Variants in TSC2 observed in about 807,000 individuals in gnomAD.
The protein encoded by TSC2 is TSC complex subunit 2.
Under a neutral mutation model 202.2 loss-of-function variants are expected in TSC2, and 29 were observed. The ratio of observed to expected loss-of-function variants is 0.14; its 90% confidence interval spans 0.11 to 0.20. The LOEUF is 0.20. TSC2 is among the 10% of genes least tolerant of loss of function. TSC2 has a pLI of 1.00. For missense variants in TSC2, 2,429 were observed against 2,420.0 expected (o/e 1.00, Z -0.08); for synonymous variants, 1,349 against 1,044.0 (o/e 1.29, Z -5.63).
Position 2,085,280 on chromosome 16 carries a change from C to T in TSC2, c.4620C>T (p.Tyr1540=), listed in dbSNP as rs45455897. 52 of 1,612,720 alleles carry T rather than the reference C, an allele frequency of 3.2e-5. No homozygotes were observed. Among genetic ancestry groups the T allele is most frequent in the South Asian group, 2.1e-4 (19 of 91,086 alleles). ...AGCTCCTCGACCAGATCCCATCATA[C>T]GACACCCACAAGATCGCCGTCCTGT... ...SVQLLDQIPS[Y]DTHKIAVLYV... The change falls in exon 36 of 42, where the codon TAC becomes TAT. Residue 1540 remains tyrosine, a synonymous_variant. Coordinates refer to ENST00000219476, the MANE Select transcript of TSC2 (RefSeq NM_000548.5).
chr16:2,078,968 G>A (rs201767498), intron 26 of TSC2, 64 bp from the exon 27 acceptor site: 28 of 1,603,854 alleles, frequency 1.7e-5, no homozygotes, highest in Middle Eastern at 3.3e-4. Flanking sequence ...TTTGGCCCTT[G>A]GTGATAGGTG....
chr16:2,084,728 C>T lies in TSC2; in HGVS notation c.4493+13C>T, dbSNP rs757183419. ...GCATCAACCCCAGGTGGGCCTCTTG[C>T]TTCCGGGCGGGGCTCCTGACACCTC... On this transcript the variant is annotated intron_variant, in intron 34 of 41. Transcript: ENST00000219476. The T allele has an allele frequency of 8.1e-6, 13 of 1,598,336 alleles. No individual in the cohort carries two copies. The highest frequency in any genetic ancestry group is 7.7e-5 in the South Asian group (7 of 91,084).
intron 38 of TSC2, 145 bp downstream of exon 38, chr16:2,087,016 C>G (rs2090895853): frequency 7.9e-7 from 1 of 1,264,846 alleles, no homozygotes; most frequent in African/African-American, 1.5e-5. Context: ...TGGGCACGAG[C>G]TTCACCCCGA....
At position 2,077,605 on chromosome 16, in the gene TSC2, A is replaced by G; in HGVS notation, c.2845A>G (p.Ile949Val). ...TCCTTCCTCACCCGATAGTCTGAGG[A>G]TAGCCAGACCCCCCAAACAAGGCTT... ...SLNERPKSLR[I>V]ARPPKQGLNN... Residue 949 changes from isoleucine to valine, a missense_variant, in exon 26 of 42, where the codon ATA (isoleucine) becomes GTA (valine). Transcript: ENST00000219476. The G allele has an allele frequency of 6.2e-7, 1 of 1,613,064 alleles. No individual in the cohort carries two copies. Among genetic ancestry groups the G allele is most frequent in the Non-Finnish European group, 8.5e-7 (1 of 1,179,988 alleles).
At position 2,084,442 on chromosome 16, in the gene TSC2, T is replaced by A. The variant is rs1555514182; in HGVS notation, c.4220T>A (p.Val1407Glu). Reference sequence around the variant, plus strand: ...GGGGACCCTGGGGACAAGGCCGACGTGGGCCGGCTGAGCCCTGAGGTTAAG... The same window carrying A: ...GGGGACCCTGGGGACAAGGCCGACGAGGGCCGGCTGAGCCCTGAGGTTAAG... Reference protein sequence around the residue: ...ILGDPGDKADVGRLSPEVKAR... With the variant: ...ILGDPGDKADEGRLSPEVKAR... The change falls in exon 34 of 42, where the codon GTG becomes GAG. Residue 1407 changes from valine to glutamate, a missense_variant. Coordinates refer to ENST00000219476, the MANE Select transcript of TSC2 (RefSeq NM_000548.5). 1.2e-6 allele frequency: 2 copies of A among 1,609,668 alleles called. No individual in the cohort carries two copies. The highest frequency in any genetic ancestry group is 1.7e-6 in the Non-Finnish European group (2 of 1,178,734).
Position 2,089,316 on chromosome 16 carries a change from T to TA in TSC2, c.*707dup, listed in dbSNP as rs2091334036. On this transcript the variant is annotated 3_prime_UTR_variant, in exon 42 of 42. Transcript: ENST00000219476. ...ACACACAGTGAGACGGTGCAGGGAG[T>TA]ACGGTAGGAACTGGAGAGGTAATAA... 3.7e-6 allele frequency: 1 copy of TA among 271,350 alleles called. No individual in the cohort carries two copies. The highest frequency in any genetic ancestry group is 2.2e-5 in the African/African-American group (1 of 45,390). The allele number at this position is 271,350 out of a possible 1,614,324, so 16.8% of individuals were successfully genotyped here. A position where few individuals can be genotyped will look rare whatever the true frequency, so the allele number is the denominator to read the frequency against.
In TSC2 at chr16:2,077,638, T is replaced by C. The variant is rs1005027685; in HGVS notation, c.2878T>C (p.Ser960Pro). 1 of 1,612,982 alleles carries C rather than the reference T, an allele frequency of 6.2e-7. No individual in the cohort carries two copies. The highest frequency in any genetic ancestry group is 1.1e-5 in the South Asian group (1 of 91,078). Residue 960 changes from serine (S) to proline (P), a missense_variant, in exon 26 of 42, where the codon TCT becomes CCT. Transcript: ENST00000219476. ...ARPPKQGLNN[S>P]PPVKEFKESS... The stretch of plus-strand genomic sequence containing the variant: ...ACCCCCCAAACAAGGCTTGAATAAC[T>C]CTCCACCCGTGAAAGAATTCAAGGA...
intron 36 of TSC2, 80 bp downstream of exon 36, chr16:2,085,402 C>T: frequency 6.9e-7 from 1 of 1,454,608 alleles, no homozygotes; most frequent in Non-Finnish European, 9.6e-7. Context: ...GTCTGGGCCC[C>T]CAACGCCCCA....
intron 24 of TSC2, 59 bp from the exon 25 acceptor site, chr16:2,076,432 G>C: frequency 1.9e-6 from 3 of 1,606,870 alleles, no homozygotes; most frequent in Non-Finnish European, 2.6e-6. Context: ...GGCAGGCCTG[G>C]TGAGGGCCTC....
chr16:2,070,408 T>C, intron 16 of TSC2, 48 bp from the exon 17 acceptor site: 1 of 1,613,084 alleles, frequency 6.2e-7, no homozygotes, highest in Non-Finnish European at 8.5e-7. Context: ...GTCTTAGGAC[T>C]GCGTTTTCAC....
At chr16:2,055,014 C>T (rs570376289) in intron 5 of TSC2, 16 of 358,272 alleles carry the variant, frequency 4.5e-5, no homozygotes, top group Non-Finnish European at 7.0e-5. Flanking sequence ...TCTGAGGTGA[C>T]GTGGCCGGCA....
intron 4 of TSC2, chr16:2,053,987 G>A (rs2516730): frequency 4.2e-6 from 2 of 479,678 alleles, no homozygotes; most frequent in Admixed American, 6.5e-5. Flanking sequence ...CTGAGCACAA[G>A]GCTGTCTGCC....
At chr16:2,056,961 G>C (rs2151085156) in intron 8 of TSC2, 144 bp from the exon 9 acceptor site, 1 of 1,363,376 alleles carries the variant, frequency 7.3e-7, no homozygotes, top group East Asian at 2.5e-5. Context: ...GAACCCTGCT[G>C]CCTCTGTCTT....
intron 13 of TSC2, 116 bp from the exon 14 acceptor site, chr16:2,062,856 T>C (rs1023587087): frequency 2.5e-6 from 3 of 1,193,762 alleles, no homozygotes; most frequent in Non-Finnish European, 2.4e-6. Flanking sequence ...CTCTGTGCCC[T>C]GTGTGCCTGG....
chr16:2,051,140 A>G (rs1272807289), intron 3 of TSC2, among the ~76,000 whole-genome samples: 1 of 151,690 alleles, frequency 6.6e-6, no homozygotes, highest in Non-Finnish European at 1.5e-5. Context: ...TCTGGCCAAC[A>G]TGGCGAAACC....
Position 2,080,269 on chromosome 16 carries a change from A to G in TSC2, c.3502A>G (p.Lys1168Glu). 1.2e-6 allele frequency: 2 copies of G among 1,612,974 alleles called. No individual in the cohort carries two copies. Among genetic ancestry groups the G allele is most frequent in the Non-Finnish European group, 8.5e-7 (1 of 1,180,020 alleles). The change falls in exon 30 of 42, where the codon AAG becomes GAG. Residue 1168 changes from lysine to glutamate, a missense_variant. By Grantham distance (56) the Lys-to-Glu change is moderately conservative. Coordinates refer to ENST00000219476, the MANE Select transcript of TSC2 (RefSeq NM_000548.5). ...GACTGCACCAGCCGCGAAACCTGAG[A>G]AGGCCTCAGCTGGCACCCGGGTTCC... ...PRTAPAAKPEKASAGTRVPVQ... is the reference protein window; with the variant it reads ...PRTAPAAKPEEASAGTRVPVQ...
rs1596271211 is a variant in TSC2 at position 2,055,507 on chromosome 16, C to G, written c.587C>G (p.Ala196Gly). Reference sequence around the variant, plus strand: ...AGCTGTTACCTCGACGAGTACATCGCAAGGATGGTTCAGTAAGAAAAGAAT... The same window carrying G: ...AGCTGTTACCTCGACGAGTACATCGGAAGGATGGTTCAGTAAGAAAAGAAT... ...FNSCYLDEYI[A>G]RMVQMICLLC... The change falls in exon 6 of 42, where the codon GCA becomes GGA. Residue 196 changes from alanine (A) to glycine (G), a missense_variant. Physicochemically the swap from Ala to Gly is moderately conservative, Grantham distance 60. Transcript: ENST00000219476. 3 of 1,613,764 alleles carry G rather than the reference C, an allele frequency of 1.9e-6. No individual in the cohort carries two copies. Among genetic ancestry groups the G allele is most frequent in the Non-Finnish European group, 2.5e-6 (3 of 1,179,684 alleles).
intron 5 of TSC2, 109 bp from the exon 6 acceptor site, chr16:2,055,293 G>A (rs532827763): frequency 2.3e-6 from 2 of 865,706 alleles, no homozygotes; most frequent in Admixed American, 3.4e-5. Context: ...ACTGATGATG[G>A]GGTTTCTGGC....
rs587778729 is a variant in TSC2 at position 2,065,519 on chromosome 16, G to T, written c.1600G>T (p.Val534Leu). 24 of 1,612,878 alleles carry T rather than the reference G, an allele frequency of 1.5e-5. No individual in the cohort carries two copies. The highest frequency in any genetic ancestry group is 6.7e-5 in the Admixed American group (4 of 59,982). ...GTAAGTCCTGGCCTTCTCTTCAAAG[G>T]TGATGGCCCGCTCCCTCTCCCCACC... ...FNSLLDIIEK[V>L]MARSLSPPPE... Residue 534 changes from valine to leucine, a missense_variant and splice_region_variant, in exon 16 of 42, where the codon GTG (valine) becomes TTG (leucine). Coordinates refer to ENST00000219476, the MANE Select transcript of TSC2 (RefSeq NM_000548.5).
Sources: allele counts gnomAD v4.1 joint callset (sites outside exome capture counted in the v4.1 genomes callset), GRCh38; gene constraint gnomAD v4.1.1; transcripts MANE v1.5; gene names NCBI Gene and HGNC (gene_info 2026-07-23, HGNC 2026-07-21).